Variants in PMM2 observed in about 807,000 individuals in gnomAD.
PMM2 encodes phosphomannomutase 2, also known as mannose-6-phosphate isomerase.
A neutral mutation model predicts 33.2 loss-of-function variants in PMM2; 35 were observed. The observed-to-expected ratio is 1.06, with a 90% CI of 0.81 to 1.40. The LOEUF is 1.40. Among genes scored for constraint, PMM2 ranks in the 40% most tolerant of loss-of-function variants. The probability of loss-of-function intolerance (pLI) is 0.00; values close to 1 mark genes in which losing one functional copy is unlikely to be tolerated. For synonymous variants in PMM2, 153 were observed against 114.7 expected, an observed-to-expected ratio of 1.33 and a Z score of -2.13; for missense variants, 386 against 306.0, an observed-to-expected ratio of 1.26 and a Z score of -1.95.
At chr16:8,799,945 A>G (rs1403463068) in intron 1 of PMM2, among the ~76,000 whole-genome samples, 1 of 152,256 alleles carries the variant, frequency 6.6e-6, no homozygotes, top group Non-Finnish European at 1.5e-5. Flanking sequence ...CCTTCTGTAC[A>G]ATTTTAATCA....
intron 7 of PMM2, among the ~76,000 whole-genome samples, chr16:8,847,414 G>C (rs1287042552): frequency 6.7e-6 from 1 of 148,648 alleles, no homozygotes; most frequent in African/African-American, 2.5e-5. Context: ...TGAGAATACT[G>C]TCACTCGCTG....
rs375803283 is a variant in PMM2 at position 8,806,444 on chromosome 16, A to T, written c.347+37A>T. 34 of 1,240,060 alleles carry T rather than the reference A, an allele frequency of 2.7e-5. No individual in the cohort carries two copies. The Middle Eastern group carries it at 5.6e-4, about 21-fold the overall frequency. 76.8% of individuals were successfully genotyped at this position (1,240,060 alleles called of 1,614,324 possible). A position where few individuals can be genotyped will look rare whatever the true frequency, so the allele number is the denominator to read the frequency against. ...TTTAACAAAGAGGCGTCACAGGAAC[A>T]TAGCGTAGTGTCACATGGTGGGCTA... On this transcript the variant is annotated intron_variant, in intron 4 of 7. Coordinates refer to ENST00000268261, the MANE Select transcript of PMM2 (RefSeq NM_000303.3).
intron 1 of PMM2, among the ~76,000 whole-genome samples, chr16:8,800,665 C>CTTTTTTTTTTTTTTTTT (rs35148703): frequency 1.6e-5 from 2 of 126,646 alleles, no homozygotes; most frequent in Non-Finnish European, 1.7e-5. Context: ...TAAGCTTCTC[C>CTTTTTTTTTTTTTTTTT]TTTTTTTTTT....
chr16:8,799,058 C>T (rs1022502494), intron 1 of PMM2, among the ~76,000 whole-genome samples: 1 of 152,124 alleles, frequency 6.6e-6, no homozygotes, highest in Non-Finnish European at 1.5e-5. Flanking sequence ...ACTCCGGTCC[C>T]CAATTCATTT....
chr16:8,831,915 C>T (rs2060812042), intron 7 of PMM2, among the ~76,000 whole-genome samples: 1 of 152,124 alleles, frequency 6.6e-6, no homozygotes, highest in Non-Finnish European at 1.5e-5. Context: ...TTCATTCTTC[C>T]CTCCCCCCTT....
rs1051959488 is a variant in PMM2 at position 8,847,891 on chromosome 16, G to A, written c.*66G>A. 29 of 1,269,326 alleles carry A rather than the reference G, an allele frequency of 2.3e-5. No homozygotes were observed. Among genetic ancestry groups the A allele is most frequent in the South Asian group, 2.0e-4 (17 of 83,664 alleles). The allele number at this position is 1,269,326 out of a possible 1,614,324, so 78.6% of individuals were successfully genotyped here. ...CATAGGGCATTCGGTGGCCAGAGCC[G>A]AGGGTCCTCCCACACGTGCTCACCC... On this transcript the variant is annotated 3_prime_UTR_variant, in exon 8 of 8. Transcript: ENST00000268261.
At chr16:8,833,661 A>G (rs1052173956) in intron 7 of PMM2, among the ~76,000 whole-genome samples, 3 of 150,910 alleles carry the variant, frequency 2.0e-5, no homozygotes, top group African/African-American at 7.3e-5. Flanking sequence ...AAGGGGTGAT[A>G]TTGTGGGGAT....
chr16:8,804,762 T>G lies in PMM2; in HGVS notation c.179-5T>G. On this transcript the variant is annotated splice_polypyrimidine_tract_variant and splice_region_variant and intron_variant, in intron 2 of 7. Transcript: ENST00000268261. ...TTCTAAGTGTTTTTTTGGTTTTGAT[T>G]GTAGTGGTTGAAAAATACGATTATG... is the stretch of plus-strand genomic sequence containing the variant. 1 of 1,608,578 alleles carries G rather than the reference T, an allele frequency of 6.2e-7. No individual in the cohort carries two copies. The highest frequency in any genetic ancestry group is 8.5e-7 in the Non-Finnish European group (1 of 1,174,966).
chr16:8,844,112 C>G (rs2060908189), intron 7 of PMM2, among the ~76,000 whole-genome samples: 2 of 152,228 alleles, frequency 1.3e-5, no homozygotes, highest in South Asian at 4.1e-4. Flanking sequence ...ATTGAAAGTG[C>G]CGTTTTCTGG....
In PMM2 at chr16:8,849,174, A is replaced by G. The variant is rs1265537203; in HGVS notation, c.*1349A>G. On this transcript the variant is annotated 3_prime_UTR_variant, in exon 8 of 8. Coordinates refer to ENST00000268261, the MANE Select transcript of PMM2 (RefSeq NM_000303.3). ...AACCTCCCAGCCACTCGGGCTTGTA[A>G]CTGTCTGAGCCCCGGATCCGGTGGG... 1 of 152,196 alleles carries G rather than the reference A, an allele frequency of 6.6e-6. No homozygotes were observed. The highest frequency in any genetic ancestry group is 1.5e-5 in the Non-Finnish European group (1 of 68,062). The allele number at this position is 152,196 out of a possible 1,614,324, so 9.4% of individuals were successfully genotyped here.
At chr16:8,804,696 T>C in intron 2 of PMM2, 71 bp from the exon 3 acceptor site, 3 of 1,004,792 alleles carry the variant, frequency 3.0e-6, no homozygotes, top group Non-Finnish European at 3.2e-6. Flanking sequence ...TGGTGGTCAT[T>C]GTTAATCAAG....
intron 4 of PMM2, chr16:8,806,764 G>A (rs2060650658): frequency 3.2e-6 from 1 of 307,976 alleles, no homozygotes; most frequent in South Asian, 3.4e-5. Flanking sequence ...TCCACATGAT[G>A]GAAATTTATA....
chr16:8,823,650 C>T (rs1018889506), intron 7 of PMM2, among the ~76,000 whole-genome samples: 2 of 152,104 alleles, frequency 1.3e-5, no homozygotes, highest in Non-Finnish European at 2.9e-5. Context: ...TCAGGTTAGA[C>T]TTTTTTAAAG....
intron 7 of PMM2, among the ~76,000 whole-genome samples, chr16:8,820,916 C>T (rs2060735465): frequency 6.6e-6 from 1 of 152,228 alleles, no homozygotes; most frequent in Non-Finnish European, 1.5e-5. Context: ...CACCTTCCAA[C>T]AGTTCATTAG....
chr16:8,848,121 G>A lies in PMM2; in HGVS notation c.*296G>A, dbSNP rs1002690657. 2 of 392,462 alleles carry A rather than the reference G, an allele frequency of 5.1e-6. No individual in the cohort carries two copies. Among genetic ancestry groups the A allele is most frequent in the African/African-American group, 4.2e-5 (2 of 48,098 alleles). The allele number at this position is 392,462 out of a possible 1,614,324, so 24.3% of individuals were successfully genotyped here. ...TGATACGTGCAATCATGTAGTTTTG[G>A]CGGAAATTTCCCCATCATTCTAGGA... On this transcript the variant is annotated 3_prime_UTR_variant, in exon 8 of 8. Coordinates refer to ENST00000268261, the MANE Select transcript of PMM2 (RefSeq NM_000303.3).
chr16:8,824,651 T>C (rs1042083016), intron 7 of PMM2, among the ~76,000 whole-genome samples: 21 of 152,134 alleles, frequency 1.4e-4, no homozygotes, highest in Admixed American at 1.4e-3. Flanking sequence ...TTTTGGACTT[T>C]AGGGGACTTT....
chr16:8,798,109 G>C (rs1467686172), intron 1 of PMM2, among the ~76,000 whole-genome samples, 161 bp downstream of exon 1: 1 of 152,230 alleles, frequency 6.6e-6, no homozygotes, highest in Non-Finnish European at 1.5e-5. Context: ...GAATGAGAGG[G>C]AGGCCCTAAC....
At chr16:8,836,799 C>T (rs1191933822) in intron 7 of PMM2, among the ~76,000 whole-genome samples, 1 of 152,016 alleles carries the variant, frequency 6.6e-6, no homozygotes, top group African/African-American at 2.4e-5. Context: ...CCAAACGAGC[C>T]ATGAACTGGG....
At chr16:8,832,311 G>A (rs986477753) in intron 7 of PMM2, 1 of 985,328 alleles carries the variant, frequency 1.0e-6, no homozygotes, top group African/African-American at 1.7e-5. Flanking sequence ...GTGGAGCTGA[G>A]AAGCAACCCA....
Sources: gnomAD v4.1 joint callset for allele counts (sites outside exome capture counted in the v4.1 genomes callset) on GRCh38, gnomAD v4.1.1 for gene constraint, MANE v1.5 for transcripts, NCBI Gene and HGNC (gene_info 2026-07-23, HGNC 2026-07-21) for gene names.